Variants in DMD observed in about 807,000 individuals in gnomAD.
DMD encodes the protein mutant dystrophin.
A neutral mutation model predicts 330.1 loss-of-function variants in DMD; 63 were observed. The ratio of observed to expected loss-of-function variants is 0.19; its 90% CI spans 0.16 to 0.24. DMD has a LOEUF of 0.24. Ranked by LOEUF, DMD falls within the 10% of genes least tolerant of loss-of-function variation. The probability of loss-of-function intolerance (pLI) is 1.00; values close to 1 mark genes in which losing one functional copy is unlikely to be tolerated. For missense variants in DMD, 3,344 were observed against 2,684.1 expected, an observed-to-expected ratio of 1.25 and a Z score of -5.43; for synonymous variants, 1,223 against 959.8, an observed-to-expected ratio of 1.27 and a Z score of -5.07.
intron 1 of DMD, among the ~76,000 whole-genome samples, chrX:33,102,533 T>A (rs1342984209): frequency 9.0e-6 from 1 of 111,378 alleles, no homozygotes; most frequent in Non-Finnish European, 1.9e-5. Context: ...GGTTTTATTT[T>A]AAAAAAGACA....
chrX:32,063,187 A>AACACACACACACACACACAC (rs113943502), intron 44 of DMD, among the ~76,000 whole-genome samples: 70 of 100,771 alleles, frequency 6.9e-4, no homozygotes, highest in Admixed American at 3.5e-3. Flanking sequence ...AAGTATGTCT[A>AACACACACACACACACACAC]ACACACACAC....
intron 1 of DMD, among the ~76,000 whole-genome samples, chrX:33,040,936 T>A (rs1194344176): frequency 8.9e-6 from 1 of 111,791 alleles, no homozygotes; most frequent in Non-Finnish European, 1.9e-5. Context: ...ACTGATAAGA[T>A]AAGGAATAGA....
Position 32,362,909 on chromosome X carries a change from C to T in DMD, c.5204G>A (p.Arg1735His), listed in dbSNP as rs757412063. ...NDIRPKVDSTRDQAANLMANR... is the reference protein window; with the variant it reads ...NDIRPKVDSTHDQAANLMANR... ...TGCCATCAAGTTTGCTGCTTGGTCA[C>T]GTGTAGAGTCCACCTTTGGGCGTAT... Residue 1735 changes from arginine (R) to histidine (H), a missense_variant, in exon 37 of 79, where the codon CGT becomes CAT. Coordinates refer to ENST00000357033, the MANE Select transcript of DMD (RefSeq NM_004006.3). 2.6e-5 allele frequency: 31 copies of T among 1,208,792 alleles called. No homozygotes were observed. In the East Asian group the frequency reaches 5.3e-4, roughly 21 times the overall value.
At chrX:32,483,496 T>C (rs1320250731) in intron 21 of DMD, among the ~76,000 whole-genome samples, 3 of 108,639 alleles carry the variant, frequency 2.8e-5, no homozygotes, top group African/African-American at 9.9e-5. Context: ...TGATAAAAAG[T>C]TGAACTTTAA....
At chrX:31,845,323 G>A (rs1306517678) in intron 48 of DMD, among the ~76,000 whole-genome samples, 1 of 104,570 alleles carries the variant, frequency 9.6e-6, no homozygotes, top group Non-Finnish European at 1.9e-5. Context: ...ACAATGCTCT[G>A]TTAACATAAA....
intron 13 of DMD, among the ~76,000 whole-genome samples, chrX:32,581,343 T>A (rs2053634095): frequency 1.8e-5 from 2 of 112,163 alleles, no homozygotes. Flanking sequence ...ACAGGGCAAC[T>A]TGACTCCTGC....
At chrX:32,565,418 A>G (rs775875680) in intron 16 of DMD, among the ~76,000 whole-genome samples, 12 of 111,500 alleles carry the variant, frequency 1.1e-4, no homozygotes, top group Non-Finnish European at 1.9e-5. Context: ...GTGATTATAC[A>G]GTTCCCAGCA....
At chrX:32,098,875 T>C (rs1458482876) in intron 44 of DMD, among the ~76,000 whole-genome samples, 1 of 112,177 alleles carries the variant, frequency 8.9e-6, no homozygotes, top group Non-Finnish European at 1.9e-5. Context: ...TAGTCTACTT[T>C]ATTGCCTTGG....
intron 9 of DMD, among the ~76,000 whole-genome samples, chrX:32,679,694 T>G (rs895754410): frequency 9.1e-6 from 1 of 109,817 alleles, no homozygotes; most frequent in Non-Finnish European, 1.9e-5. Context: ...TTTTGTTTAC[T>G]GGGGGGTAGA....
rs971781532 is a variant in DMD, at chrX:32,913,756, C to G, written c.94-63936G>C. ...CTTTGTCCAAAGTTATAGAAACTCA[C>G]TCATCCAACACACAGGAGGGGACCT... On this transcript the variant is annotated intron_variant, in intron 2 of 78. Coordinates refer to ENST00000357033, the MANE Select transcript of DMD (RefSeq NM_004006.3). 3.6e-5 allele frequency among the ~76,000 whole-genome samples: 4 copies of G among 111,967 alleles called. No individual in the cohort carries two copies. The Admixed American group carries it at 3.8e-4, about 11-fold the overall frequency.
At chrX:32,444,535 A>T (rs1243456284) in intron 27 of DMD, among the ~76,000 whole-genome samples, 1 of 111,331 alleles carries the variant, frequency 9.0e-6, no homozygotes, top group East Asian at 2.8e-4. Context: ...TAAAGATAAT[A>T]GAACAATTTT....
At chrX:32,268,270 TA>T (rs1245054294) in intron 43 of DMD, among the ~76,000 whole-genome samples, 26 of 111,575 alleles carry the variant, frequency 2.3e-4, no homozygotes, top group African/African-American at 7.8e-4. Flanking sequence ...TGTCTTAGCC[TA>T]AAGTCTATCT....
chrX:32,849,104 G>C (rs184431850), intron 3 of DMD, among the ~76,000 whole-genome samples: 3 of 111,468 alleles, frequency 2.7e-5, no homozygotes. Context: ...ACTATAGACT[G>C]GGGGCTTAAA....
At chrX:31,594,787 C>G (rs1371679017) in intron 55 of DMD, among the ~76,000 whole-genome samples, 1 of 110,842 alleles carries the variant, frequency 9.0e-6, no homozygotes, top group African/African-American at 3.3e-5. Flanking sequence ...GAGACCCACA[C>G]TCAGTAGGTT....
intron 2 of DMD, among the ~76,000 whole-genome samples, chrX:32,992,672 C>T (rs1159735173): frequency 9.1e-6 from 1 of 109,907 alleles, no homozygotes; most frequent in Non-Finnish European, 1.9e-5. Flanking sequence ...TTTGGGAGGC[C>T]GATGGGGGCG....
At chrX:31,485,674 G>A (rs900110847) in intron 57 of DMD, among the ~76,000 whole-genome samples, 8 of 111,893 alleles carry the variant, frequency 7.1e-5, no homozygotes, top group African/African-American at 2.6e-4. Flanking sequence ...ATGACAGGGA[G>A]AAAAGCTATC....
At chrX:33,080,831 A>G (rs763455435) in intron 1 of DMD, among the ~76,000 whole-genome samples, 67 of 112,101 alleles carry the variant, frequency 6.0e-4, no homozygotes, top group Middle Eastern at 4.6e-3. Flanking sequence ...TTTAACAATA[A>G]TCTTTAAAAT....
intron 12 of DMD, among the ~76,000 whole-genome samples, chrX:32,606,163 T>C (rs1444285633): frequency 2.7e-5 from 3 of 109,762 alleles, no homozygotes; most frequent in African/African-American, 9.9e-5. Context: ...CCAATAACCA[T>C]CCCCACCTCC....
chrX:32,925,659 AGT>A (rs771646629), intron 2 of DMD, among the ~76,000 whole-genome samples: 1 of 112,183 alleles, frequency 8.9e-6, no homozygotes, highest in East Asian at 2.8e-4. Flanking sequence ...AGTATGTAAA[AGT>A]GTAGTACATG....
Sources: gnomAD v4.1 joint callset for allele counts (sites outside exome capture counted in the v4.1 genomes callset) on GRCh38, gnomAD v4.1.1 for gene constraint, MANE v1.5 for transcripts, NCBI Gene and HGNC (gene_info 2026-07-23, HGNC 2026-07-21) for gene names.